The following PAX5 variants were observed in gnomAD, a reference collection of about 807,000 sequenced individuals.
The protein encoded by PAX5 is paired box 5, also known as paired box protein Pax-5.
PAX5 carries 9 observed loss-of-function variants against 43.7 expected under a neutral mutation model. The observed-to-expected ratio is 0.21, with a 90% confidence interval of 0.12 to 0.36. The LOEUF is 0.36. PAX5 is among the 10% of genes least tolerant of loss of function. The pLI is 1.00. For synonymous variants in PAX5, 228 were observed against 214.3 expected, an observed-to-expected ratio of 1.06 and a Z score of -0.56; for missense variants, 383 against 532.7, an observed-to-expected ratio of 0.72 and a Z score of 2.77.
intron 4 of PAX5, among the ~76,000 whole-genome samples, chr9:37,004,755 A>T (rs1838242258): frequency 6.6e-6 from 1 of 152,242 alleles, no homozygotes; most frequent in Admixed American, 6.5e-5. Flanking sequence ...CAACCACCAT[A>T]TATAACCAAA....
chr9:36,971,874 G>A (rs1834950082), intron 5 of PAX5, among the ~76,000 whole-genome samples: 1 of 152,178 alleles, frequency 6.6e-6, no homozygotes, highest in South Asian at 2.1e-4. Context: ...AAGCAAAATA[G>A]CCTCAGATTC....
intron 6 of PAX5, among the ~76,000 whole-genome samples, chr9:36,958,024 G>GA (rs1330230132): frequency 2.6e-5 from 4 of 152,166 alleles, no homozygotes; most frequent in African/African-American, 9.7e-5. Context: ...CATCAAGTTG[G>GA]AAAATCTAAG....
chr9:37,015,328 G>A lies in PAX5; in HGVS notation c.213-134C>T, dbSNP rs911481747. On this transcript the variant is annotated intron_variant, in intron 2 of 9. Transcript: ENST00000358127. This position sits in a 1 kb window ranked among gnomAD's most constrained non-coding sequence, Gnocchi z 4.4. ...AATACAGTAGCCACCAGCCAGATGC[G>A]GCTTTTGAACATTTGAAATATGGCT... 2.7e-5 allele frequency: 19 copies of A among 694,314 alleles called. No individual in the cohort carries two copies. The highest frequency in any genetic ancestry group is 1.3e-4 in the Admixed American group (5 of 38,516). The allele number at this position is 694,314 out of a possible 1,614,324, so 43.0% of individuals were successfully genotyped here.
intron 7 of PAX5, among the ~76,000 whole-genome samples, chr9:36,897,751 A>G (rs1202312489): frequency 1.3e-5 from 2 of 152,108 alleles, no homozygotes; most frequent in African/African-American, 2.4e-5. Flanking sequence ...AGCTCAAGAA[A>G]CTGATGCTCA....
Position 36,882,296 on chromosome 9 carries a change from T to A in PAX5, c.911-191A>T, listed in dbSNP as rs1225374712. 4.3e-5 allele frequency among the ~76,000 whole-genome samples: 6 copies of A among 138,368 alleles called. No homozygotes were observed. The South Asian group carries it at 1.4e-3, about 31-fold the overall frequency. The allele number at this position is 138,368 out of a possible 152,430, so 90.8% of individuals were successfully genotyped here. The stretch of plus-strand genomic sequence containing the variant: ...CACACACACACACACACACACACAC[T>A]CATGCACACACATCTCCAGCCACCC... On this transcript the variant is annotated intron_variant, in intron 7 of 9. Transcript: ENST00000358127. The surrounding 1 kb of genome is among the most constrained non-coding windows in gnomAD (Gnocchi z 4.4).
chr9:36,858,863 C>A (rs960320171), intron 8 of PAX5, among the ~76,000 whole-genome samples: 2 of 152,128 alleles, frequency 1.3e-5, no homozygotes, highest in Non-Finnish European at 2.9e-5. Context: ...CTGGGCTCAG[C>A]GCTGAGGCCT....
intron 8 of PAX5, among the ~76,000 whole-genome samples, chr9:36,849,772 G>T (rs1187218584): frequency 6.6e-6 from 1 of 152,204 alleles, no homozygotes; most frequent in African/African-American, 2.4e-5. Context: ...GTAGTGTGGT[G>T]GGCACCCCCA....
chr9:37,000,013 A>G (rs7042399), intron 5 of PAX5, among the ~76,000 whole-genome samples: 151,584 of 152,188 alleles, frequency 1, 75,494 homozygotes, highest in East Asian at 1. Context: ...AGGCCTCAGG[A>G]GCACTCCAGC....
At chr9:36,953,955 C>T (rs1833223452) in intron 6 of PAX5, among the ~76,000 whole-genome samples, 1 of 152,028 alleles carries the variant, frequency 6.6e-6, no homozygotes, top group Admixed American at 6.6e-5. Flanking sequence ...GCCTGTAGTC[C>T]CAGCTACTTG....
intron 7 of PAX5, among the ~76,000 whole-genome samples, chr9:36,888,041 C>T (rs559507888): frequency 1.3e-5 from 2 of 152,300 alleles, no homozygotes; most frequent in Admixed American, 1.3e-4. Flanking sequence ...ACATCATTAG[C>T]TCTCAGGGAA....
At chr9:36,959,905 G>T (rs554892941) in intron 6 of PAX5, among the ~76,000 whole-genome samples, 15 of 152,364 alleles carry the variant, frequency 9.8e-5, no homozygotes, top group African/African-American at 3.6e-4. Flanking sequence ...CCAAGCCTCA[G>T]CTACTCTGCC....
intron 6 of PAX5, among the ~76,000 whole-genome samples, chr9:36,936,241 T>G (rs1290181993): frequency 6.6e-6 from 1 of 152,172 alleles, no homozygotes; most frequent in Non-Finnish European, 1.5e-5. Context: ...CAAAGCCTCC[T>G]AAACAGTAAG....
At chr9:37,002,064 A>G (rs1297675403) in intron 5 of PAX5, among the ~76,000 whole-genome samples, 2 of 151,306 alleles carry the variant, frequency 1.3e-5, no homozygotes, top group Non-Finnish European at 2.9e-5. Context: ...ATCCCCCCCA[A>G]CACCCCCGCA....
chr9:37,011,813 A>G (rs919426397), intron 3 of PAX5, among the ~76,000 whole-genome samples: 10 of 151,344 alleles, frequency 6.6e-5, no homozygotes, highest in Admixed American at 4.6e-4. Flanking sequence ...TCCAGCCATC[A>G]CTCCCTCCCC....
At chr9:36,994,219 C>T (rs1837196908) in intron 5 of PAX5, among the ~76,000 whole-genome samples, 1 of 152,184 alleles carries the variant, frequency 6.6e-6, no homozygotes, top group African/African-American at 2.4e-5. Flanking sequence ...AGCTGAGGTG[C>T]CCACAGCTAC....
At chr9:36,871,880 C>A (rs549335405) in intron 8 of PAX5, among the ~76,000 whole-genome samples, 48 of 152,360 alleles carry the variant, frequency 3.2e-4, no homozygotes, top group Admixed American at 2.9e-3. Flanking sequence ...ACAGGGCACT[C>A]TCCCAGCTGA....
intron 7 of PAX5, among the ~76,000 whole-genome samples, chr9:36,887,518 T>C (rs781244638): frequency 1.6e-4 from 25 of 152,032 alleles, no homozygotes; most frequent in Non-Finnish European, 3.5e-4. Context: ...GAAATAAATG[T>C]AAAAAAATAA....
At chr9:36,958,438 C>T (rs991467451) in intron 6 of PAX5, among the ~76,000 whole-genome samples, 3 of 146,912 alleles carry the variant, frequency 2.0e-5, no homozygotes, top group African/African-American at 5.1e-5. Flanking sequence ...CTAGGAACTA[C>T]GGGGGCCTGG....
chr9:36,862,795 T>C (rs1010136355), intron 8 of PAX5, among the ~76,000 whole-genome samples: 2 of 152,174 alleles, frequency 1.3e-5, no homozygotes, highest in African/African-American at 4.8e-5. Flanking sequence ...TGGGAGCAGG[T>C]GGTCCTCCAA....
Sources: gnomAD v4.1 joint callset for allele counts (sites outside exome capture counted in the v4.1 genomes callset) on GRCh38, gnomAD v4.1.1 for gene constraint, Gnocchi (gnomAD v3.1) non-coding constraint, MANE v1.5 for transcripts, NCBI Gene and HGNC (gene_info 2026-07-23, HGNC 2026-07-21) for gene names.